ME1: variants seen among roughly 807,000 people sequenced by gnomAD.
ME1 encodes the protein NADP-dependent malic enzyme.
In ME1, 74 loss-of-function variants were observed where a neutral mutation model predicts 66.4. The observed-to-expected ratio is 1.11, with a 90% CI of 0.92 to 1.35. The LOEUF (loss-of-function observed/expected upper bound fraction) is 1.35, where lower values mean the gene tolerates loss of function less well. Ranked by LOEUF, ME1 falls within the 40% of genes most tolerant of loss-of-function variation. The pLI is 0.00. For synonymous variants in ME1, 251 were observed against 235.6 expected (o/e 1.07, Z -0.60); for missense variants, 750 against 694.1 (o/e 1.08, Z -0.90).
chr6:83,347,234 G>A (rs566174520), intron 4 of ME1, among the ~76,000 whole-genome samples: 3 of 152,294 alleles, frequency 2.0e-5, no homozygotes, highest in Admixed American at 2.0e-4. Flanking sequence ...TTACAGGCAT[G>A]AGCCACCACC....
At chr6:83,213,122 T>C (rs1469116302) in intron 13 of ME1, among the ~76,000 whole-genome samples, 1 of 149,384 alleles carries the variant, frequency 6.7e-6, no homozygotes, top group Non-Finnish European at 1.5e-5. Flanking sequence ...AACCTCTGCC[T>C]CCTGGGTTCA....
intron 6 of ME1, among the ~76,000 whole-genome samples, chr6:83,279,971 ATTTC>A (rs1767258883): frequency 6.6e-6 from 1 of 152,184 alleles, no homozygotes; most frequent in Non-Finnish European, 1.5e-5. Context: ...GGGGTTAAAT[ATTTC>A]AAGTTTTGAA....
intron 12 of ME1, among the ~76,000 whole-genome samples, chr6:83,218,123 C>T (rs1055519408): frequency 9.2e-5 from 14 of 152,050 alleles, no homozygotes; most frequent in African/African-American, 3.1e-4. Context: ...TCATCAGGGT[C>T]CCAAACTTCA....
chr6:83,330,975 AGTGGCAAGG>A (rs1414796260), intron 5 of ME1, among the ~76,000 whole-genome samples: 1 of 152,160 alleles, frequency 6.6e-6, no homozygotes, highest in Non-Finnish European at 1.5e-5. Flanking sequence ...ACTTGTCTGA[AGTGGCAAGG>A]GTACACTGTA....
chr6:83,234,546 C>T (rs917582857), intron 9 of ME1, among the ~76,000 whole-genome samples: 1 of 152,136 alleles, frequency 6.6e-6, no homozygotes, highest in African/African-American at 2.4e-5. Flanking sequence ...TCCACTCCAC[C>T]CTATTCCTCC....
At chr6:83,314,275 A>C (rs1562478286) in intron 6 of ME1, among the ~76,000 whole-genome samples, 2 of 152,204 alleles carry the variant, frequency 1.3e-5, no homozygotes, top group Non-Finnish European at 2.9e-5. Flanking sequence ...TAATCCAAAA[A>C]TCCAAAATCC....
chr6:83,239,192 A>G (rs1790465749), intron 8 of ME1, among the ~76,000 whole-genome samples: 2 of 152,086 alleles, frequency 1.3e-5, no homozygotes, highest in South Asian at 4.1e-4. Context: ...GGAGTATACT[A>G]AAAGCCAGTA....
At chr6:83,307,554 G>C (rs1394923222) in intron 6 of ME1, among the ~76,000 whole-genome samples, 2 of 152,048 alleles carry the variant, frequency 1.3e-5, no homozygotes, top group Admixed American at 6.6e-5. Context: ...CAAAGTGACA[G>C]GTGGAATCTA....
At chr6:83,240,614 G>T (rs756050228) in intron 7 of ME1, among the ~76,000 whole-genome samples, 2 of 151,990 alleles carry the variant, frequency 1.3e-5, no homozygotes, top group Non-Finnish European at 2.9e-5. Flanking sequence ...CTCCTCCAAG[G>T]TAACATTCTA....
chr6:83,237,272 AAAGAAAGGAAGGAAGGAAG>A (rs1208123325), intron 9 of ME1, among the ~76,000 whole-genome samples: 28 of 90,234 alleles, frequency 3.1e-4, no homozygotes, highest in African/African-American at 6.8e-4. Flanking sequence ...AGAAAGAAAG[AAAGAAAGGAAGGAAGGAAG>A]GAAAGAAAGA....
Position 83,301,281 on chromosome 6 carries a change from G to A in ME1, c.704+14029C>T, listed in dbSNP as rs916348098. Among the ~76,000 whole-genome samples the A allele has an allele frequency of 3.4e-5, 5 of 147,246 alleles. No individual in the cohort carries two copies. The East Asian group carries it at 6.0e-4, about 18-fold the overall frequency. ...TCTTTCCCCTTCCTTCCTTCCCTCC[G>A]TCCCTCCCTCCTTTCTTTCCTTCTT... is the stretch of plus-strand genomic sequence containing the variant. On this transcript the variant is annotated intron_variant, in intron 6 of 13. Transcript: ENST00000369705.
intron 7 of ME1, 23 bp from the exon 8 acceptor site, chr6:83,239,659 T>C: frequency 1.3e-6 from 2 of 1,529,270 alleles, no homozygotes; most frequent in South Asian, 1.1e-5. Context: ...ATAAATATCC[T>C]TGAGTAATCC....
chr6:83,267,575 C>T (rs915449662), intron 6 of ME1, among the ~76,000 whole-genome samples: 7 of 152,140 alleles, frequency 4.6e-5, no homozygotes, highest in African/African-American at 1.7e-4. Context: ...CTTAAGGAGG[C>T]ATACATGACA....
chr6:83,376,660 G>A (rs964755143), intron 3 of ME1, among the ~76,000 whole-genome samples: 1 of 149,200 alleles, frequency 6.7e-6, no homozygotes, highest in African/African-American at 2.5e-5. Context: ...AAAATTAGCT[G>A]GGTGTGGTGG....
intron 5 of ME1, among the ~76,000 whole-genome samples, chr6:83,317,164 G>A (rs1583376490): frequency 6.6e-6 from 1 of 152,120 alleles, no homozygotes; most frequent in Non-Finnish European, 1.5e-5. Flanking sequence ...GAGGACACAG[G>A]ACTTGCTGGT....
intron 3 of ME1, among the ~76,000 whole-genome samples, chr6:83,391,682 GT>G (rs1316273795): frequency 6.6e-6 from 1 of 152,100 alleles, no homozygotes; most frequent in African/African-American, 2.4e-5. Context: ...ACCCACCTCT[GT>G]GAACTCATCC....
chr6:83,225,557 C>A (rs993070404), intron 11 of ME1, among the ~76,000 whole-genome samples: 1 of 151,810 alleles, frequency 6.6e-6, no homozygotes, highest in Admixed American at 6.6e-5. Context: ...AGTTGTATAA[C>A]AGAAATTCAA....
intron 1 of ME1, among the ~76,000 whole-genome samples, chr6:83,430,216 G>A (rs943230820): frequency 6.7e-6 from 1 of 148,816 alleles, no homozygotes; most frequent in Non-Finnish European, 1.5e-5. Context: ...ACAAAAGAAA[G>A]AAAGAAAAGA....
chr6:83,357,717 G>A (rs1057304491), intron 3 of ME1, among the ~76,000 whole-genome samples: 1 of 151,648 alleles, frequency 6.6e-6, no homozygotes, highest in African/African-American at 2.4e-5. Context: ...AGAAAAATGT[G>A]AAAAGAGAGG....
Sources: gnomAD v4.1 joint callset for allele counts (sites outside exome capture counted in the v4.1 genomes callset) on GRCh38, gnomAD v4.1.1 for gene constraint, MANE v1.5 for transcripts, NCBI Gene and HGNC (gene_info 2026-07-23, HGNC 2026-07-21) for gene names.